Variants in FHIT observed in about 807,000 individuals in gnomAD.
FHIT encodes bis(5'-adenosyl)-triphosphatase.
FHIT carries 19 observed loss-of-function variants against 17.9 expected under a neutral mutation model. That is an observed-to-expected ratio of 1.06 (90% confidence interval 0.74 to 1.56). The LOEUF (loss-of-function observed/expected upper bound fraction) is 1.56, where lower values mean the gene tolerates loss of function less well. Ranked by LOEUF, FHIT falls within the 40% of genes most tolerant of loss-of-function variation. The probability of loss-of-function intolerance (pLI) is 0.00; values close to 1 mark genes in which losing one functional copy is unlikely to be tolerated. For missense variants in FHIT, 248 were observed against 189.2 expected (o/e 1.31, Z -1.82); for synonymous variants, 81 against 69.7 (o/e 1.16, Z -0.81).
At chr3:61,090,953 T>G (rs1164219160) in intron 2 of FHIT, among the ~76,000 whole-genome samples, 2 of 152,214 alleles carry the variant, frequency 1.3e-5, no homozygotes, top group South Asian at 4.1e-4. Context: ...CATCTCCATT[T>G]GGATCCTGCT....
At chr3:60,304,656 G>A (rs558714002) in intron 5 of FHIT, among the ~76,000 whole-genome samples, 2 of 152,202 alleles carry the variant, frequency 1.3e-5, no homozygotes, top group African/African-American at 2.4e-5. Context: ...TTTAGTATAT[G>A]TGCCATATAT....
At chr3:60,197,083 A>G (rs973468945) in intron 5 of FHIT, among the ~76,000 whole-genome samples, 4 of 152,196 alleles carry the variant, frequency 2.6e-5, no homozygotes, top group African/African-American at 9.7e-5. Context: ...TACATATTCC[A>G]TTTACTAATT....
At chr3:60,061,372 T>G (rs530051188) in intron 5 of FHIT, among the ~76,000 whole-genome samples, 75 of 152,342 alleles carry the variant, frequency 4.9e-4, no homozygotes, top group African/African-American at 1.8e-3. Context: ...AGCCCTACAG[T>G]TTCCTCTCTG....
intron 4 of FHIT, among the ~76,000 whole-genome samples, chr3:60,779,032 A>G (rs1248404686): frequency 6.6e-6 from 1 of 152,222 alleles, no homozygotes; most frequent in Non-Finnish European, 1.5e-5. Flanking sequence ...GGCTAGGCTC[A>G]GCTTTAAAAG....
chr3:60,110,703 T>C lies in FHIT; in HGVS notation c.104-96551A>G, dbSNP rs41358048. 8.0e-3 allele frequency among the ~76,000 whole-genome samples: 1,211 copies of C among 152,326 alleles called. 10 individuals are homozygous for C. Among genetic ancestry groups the C allele is most frequent in the African/African-American group, 0.027 (1,104 of 41,572 alleles). On this transcript the variant is annotated intron_variant, in intron 5 of 9. Transcript: ENST00000492590. ...TCTAAAATAAGCACCAAGTGTTACA[T>C]ATAATGGTTATTTCAGTTATTCATT...
intron 5 of FHIT, among the ~76,000 whole-genome samples, chr3:60,204,419 A>G (rs1283016010): frequency 4.7e-5 from 7 of 149,714 alleles, no homozygotes; most frequent in African/African-American, 1.2e-4. Flanking sequence ...ACAAGCACGC[A>G]TCACCATGCC....
chr3:60,201,367 G>A (rs925237212), intron 5 of FHIT, among the ~76,000 whole-genome samples: 8 of 152,030 alleles, frequency 5.3e-5, no homozygotes, highest in African/African-American at 9.7e-5. Flanking sequence ...TTTTTTAAGA[G>A]ATGGGGTCTC....
chr3:61,129,724 C>T (rs566679827), intron 2 of FHIT, among the ~76,000 whole-genome samples: 1 of 152,258 alleles, frequency 6.6e-6, no homozygotes, highest in Admixed American at 6.5e-5. Flanking sequence ...TATGTCCATC[C>T]AATTTCATCA....
At chr3:59,766,129 A>T (rs1376871807) in intron 8 of FHIT, among the ~76,000 whole-genome samples, 1 of 152,194 alleles carries the variant, frequency 6.6e-6, no homozygotes, top group African/African-American at 2.4e-5. Context: ...ATACTGTTAG[A>T]TGTGGGATAG....
intron 5 of FHIT, among the ~76,000 whole-genome samples, chr3:60,017,724 AG>A (rs1387725746): frequency 6.6e-6 from 1 of 152,156 alleles, no homozygotes; most frequent in Non-Finnish European, 1.5e-5. Flanking sequence ...TGAACACTTT[AG>A]GTGTTTTTGC....
At chr3:60,325,108 A>C (rs1336553460) in intron 5 of FHIT, among the ~76,000 whole-genome samples, 1 of 85,524 alleles carries the variant, frequency 1.2e-5, no homozygotes, top group African/African-American at 5.6e-5. Context: ...GTGAAAGAGA[A>C]AACAATTTTT....
At chr3:59,785,254 G>A (rs1437423806) in intron 8 of FHIT, among the ~76,000 whole-genome samples, 1 of 151,598 alleles carries the variant, frequency 6.6e-6, no homozygotes, top group Non-Finnish European at 1.5e-5. Flanking sequence ...CCTATTTATG[G>A]CATATTATAA....
At chr3:60,516,797 C>G (rs1185411896) in intron 5 of FHIT, among the ~76,000 whole-genome samples, 1 of 152,194 alleles carries the variant, frequency 6.6e-6, no homozygotes, top group African/African-American at 2.4e-5. Context: ...CTGAATTGTA[C>G]ATTCTGACAG....
chr3:60,535,542 T>G (rs1032233635), intron 5 of FHIT, among the ~76,000 whole-genome samples: 2 of 151,886 alleles, frequency 1.3e-5, no homozygotes, highest in Non-Finnish European at 2.9e-5. Flanking sequence ...CAATTGGTAT[T>G]AAAATTAAAA....
intron 5 of FHIT, among the ~76,000 whole-genome samples, chr3:60,153,751 G>A (rs1005218981): frequency 6.6e-6 from 1 of 152,074 alleles, no homozygotes; most frequent in East Asian, 1.9e-4. Flanking sequence ...CTAGATCTAG[G>A]GGTTAAACTC....
At chr3:60,345,703 T>G (rs1576509842) in intron 5 of FHIT, among the ~76,000 whole-genome samples, 1 of 152,316 alleles carries the variant, frequency 6.6e-6, no homozygotes, top group East Asian at 1.9e-4. Context: ...AGGAACACAG[T>G]GCTAAATTCC....
At chr3:60,841,054 C>T (rs1459200985) in intron 3 of FHIT, among the ~76,000 whole-genome samples, 59 of 152,172 alleles carry the variant, frequency 3.9e-4, no homozygotes, top group Non-Finnish European at 1.5e-5. Context: ...ATTTTCTCCT[C>T]TTCTGTTTCG....
chr3:60,620,042 C>A, intron 4 of FHIT, among the ~76,000 whole-genome samples: 1 of 152,172 alleles, frequency 6.6e-6, no homozygotes, highest in East Asian at 1.9e-4. Context: ...AGATGGAATA[C>A]AGGCATATGA....
At chr3:60,462,713 C>T (rs1206386868) in intron 5 of FHIT, among the ~76,000 whole-genome samples, 2 of 152,176 alleles carry the variant, frequency 1.3e-5, no homozygotes, top group Non-Finnish European at 2.9e-5. Context: ...GAGGTTATGG[C>T]CCCAGGCGGA....
Sources: allele counts gnomAD v4.1 joint callset (sites outside exome capture counted in the v4.1 genomes callset), GRCh38; gene constraint gnomAD v4.1.1; transcripts MANE v1.5; gene names NCBI Gene and HGNC (gene_info 2026-07-23, HGNC 2026-07-21).